The following CLIP1 variants were observed in gnomAD, a reference collection of about 807,000 sequenced individuals.
CLIP1 encodes CAP-Gly domain-containing linker protein 1.
A neutral mutation model predicts 161.6 loss-of-function variants in CLIP1; 66 were observed. That is an observed-to-expected ratio of 0.41 (90% CI 0.33 to 0.50). The LOEUF (loss-of-function observed/expected upper bound fraction) is 0.50. CLIP1 is among the 20% of genes least tolerant of loss of function. The pLI is 0.27. For synonymous variants in CLIP1, 598 were observed against 626.2 expected (o/e 0.96, Z 0.67); for missense variants, 1,376 against 1,702.0 (o/e 0.81, Z 3.37).
chr12:122,404,930 A>C (rs1956276413), intron 1 of CLIP1, among the ~76,000 whole-genome samples: 1 of 151,670 alleles, frequency 6.6e-6, no homozygotes, highest in African/African-American at 2.4e-5. Context: ...AAAAAAACCA[A>C]CATGGTGCCA....
intron 10 of CLIP1, among the ~76,000 whole-genome samples, chr12:122,346,768 G>A (rs1010858868): frequency 2.0e-5 from 3 of 152,192 alleles, no homozygotes; most frequent in African/African-American, 7.2e-5. Context: ...CTCCCAAAGT[G>A]CTGGGATAAG....
chr12:122,348,997 A>AT (rs1268806455), intron 9 of CLIP1, among the ~76,000 whole-genome samples: 1 of 152,084 alleles, frequency 6.6e-6, no homozygotes, highest in Non-Finnish European at 1.5e-5. Context: ...GAACAAAAAA[A>AT]TTTTTTTTAA....
At chr12:122,419,613 G>C (rs1956868485) in intron 1 of CLIP1, among the ~76,000 whole-genome samples, 1 of 151,820 alleles carries the variant, frequency 6.6e-6, no homozygotes, top group Non-Finnish European at 1.5e-5. Context: ...CCATCCACTG[G>C]CTTTCGAATC....
At chr12:122,291,198 C>CT (rs914606264) in intron 20 of CLIP1, among the ~76,000 whole-genome samples, 12 of 148,564 alleles carry the variant, frequency 8.1e-5, no homozygotes, top group East Asian at 4.0e-4. Context: ...CGACCCTTTT[C>CT]TTTTTTTTTG....
chr12:122,308,927 T>G (rs1950972474), intron 20 of CLIP1, among the ~76,000 whole-genome samples: 1 of 152,186 alleles, frequency 6.6e-6, no homozygotes, highest in Non-Finnish European at 1.5e-5. Flanking sequence ...AAGTAAGAAT[T>G]AATGTTTGCA....
intron 10 of CLIP1, 125 bp downstream of exon 10, chr12:122,347,250 G>C (rs1382270896): frequency 4.9e-6 from 3 of 615,248 alleles, no homozygotes; most frequent in Non-Finnish European, 8.9e-6. Context: ...ACACCTGAAT[G>C]GTACCAAGAC....
chr12:122,299,251 A>T (rs953285507), intron 20 of CLIP1, among the ~76,000 whole-genome samples: 1 of 152,144 alleles, frequency 6.6e-6, no homozygotes, highest in African/African-American at 2.4e-5. Flanking sequence ...TCCAGGATGG[A>T]TAACTTCTCT....
At chr12:122,285,958 C>T (rs1955835650) in intron 21 of CLIP1, among the ~76,000 whole-genome samples, 2 of 151,570 alleles carry the variant, frequency 1.3e-5, no homozygotes, top group South Asian at 2.1e-4. Context: ...GAGGTTTAGG[C>T]ATGGCAAACT....
At chr12:122,368,534 G>A (rs1426605657) in intron 3 of CLIP1, among the ~76,000 whole-genome samples, 1 of 152,134 alleles carries the variant, frequency 6.6e-6, no homozygotes, top group Non-Finnish European at 1.5e-5. Context: ...AGTGCATAAA[G>A]CTATAAAATG....
intron 1 of CLIP1, among the ~76,000 whole-genome samples, chr12:122,414,988 G>A (rs1206170404): frequency 1.3e-5 from 2 of 151,904 alleles, no homozygotes; most frequent in African/African-American, 4.8e-5. Context: ...AACCCAGGAG[G>A]TGGAGGCTGC....
intron 17 of CLIP1, chr12:122,324,116 T>C (rs1171044172): frequency 3.3e-5 from 5 of 152,704 alleles, no homozygotes; most frequent in Non-Finnish European, 5.9e-5. Flanking sequence ...CTGCTCATAA[T>C]ACTTTTCGGC....
Position 122,272,911 on chromosome 12 carries a change from G to A in CLIP1, c.4281C>T (p.His1427=), listed in dbSNP as rs1339350915. ...PYCEICEMFG[H]WATNCNDDET... ...CGTCGTCATTGCAGTTGGTGGCCCA[G>A]TGTCCAAACATCTCACAGATTTCAC... is the stretch of plus-strand genomic sequence containing the variant. Residue 1427 remains histidine (H), a synonymous_variant, in exon 26 of 26, where the codon CAC becomes CAT. Transcript: ENST00000620786. 2.5e-6 allele frequency: 4 copies of A among 1,614,200 alleles called. No individual in the cohort carries two copies. The highest frequency in any genetic ancestry group is 1.1e-5 in the South Asian group (1 of 91,080).
At chr12:122,288,573 T>C in intron 20 of CLIP1, 32 bp from the exon 21 acceptor site, 3 of 1,588,910 alleles carry the variant, frequency 1.9e-6, no homozygotes, top group Non-Finnish European at 2.6e-6. Context: ...CTTCAGTTCA[T>C]AACCAGGCCA....
rs1230945005 is a variant in CLIP1, at chr12:122,387,129, G to A, written c.-106-6571C>T. ...ATGGTCTTGAACTCCTGGGCCCAAG[G>A]GATCCTCCCGCCTCAGCCTCCCAAA... On this transcript the variant is annotated intron_variant, in intron 1 of 25. Transcript: ENST00000620786. 2.6e-5 allele frequency among the ~76,000 whole-genome samples: 4 copies of A among 151,908 alleles called. No individual in the cohort carries two copies. The East Asian group carries it at 7.7e-4, about 29-fold the overall frequency.
chr12:122,413,375 C>G (rs1440848928), intron 1 of CLIP1, among the ~76,000 whole-genome samples: 1 of 152,082 alleles, frequency 6.6e-6, no homozygotes. Flanking sequence ...ATACATCAAA[C>G]CCAAGTTTTG....
At chr12:122,357,966 T>G (rs1280015910) in intron 5 of CLIP1, among the ~76,000 whole-genome samples, 7 of 152,166 alleles carry the variant, frequency 4.6e-5, no homozygotes, top group Non-Finnish European at 4.4e-5. Context: ...GAACGGGCCA[T>G]GATGACAATG....
chr12:122,335,251 T>G lies in CLIP1; in HGVS notation c.2569-546A>C, dbSNP rs80241102. Among the ~76,000 whole-genome samples, 1,409 of 152,232 alleles carry G rather than the reference T, an allele frequency of 9.3e-3. 16 individuals carry two copies. Among genetic ancestry groups the G allele is most frequent in the African/African-American group, 0.032 (1,338 of 41,536 alleles). Reference sequence around the variant, plus strand: ...AATCACTCTCCTGGTTGTCCTGAGATGAACTTCGAGCTAGCTACATCAAGA... The same window carrying G: ...AATCACTCTCCTGGTTGTCCTGAGAGGAACTTCGAGCTAGCTACATCAAGA... On this transcript the variant is annotated intron_variant, in intron 12 of 25. Coordinates refer to ENST00000620786, the MANE Select transcript of CLIP1 (RefSeq NM_001247997.2).
At chr12:122,421,226 A>T (rs1035049869) in intron 1 of CLIP1, among the ~76,000 whole-genome samples, 1 of 151,784 alleles carries the variant, frequency 6.6e-6, no homozygotes, top group African/African-American at 2.4e-5. Context: ...GAGCCTGGCC[A>T]CAAGATGCCT....
intron 1 of CLIP1, among the ~76,000 whole-genome samples, chr12:122,392,239 C>T (rs2136985054): frequency 2.0e-5 from 3 of 152,294 alleles, no homozygotes; most frequent in Middle Eastern, 3.4e-3. Flanking sequence ...CGACTGCACT[C>T]CAGCCTGGGC....
Sources: allele counts gnomAD v4.1 joint callset (sites outside exome capture counted in the v4.1 genomes callset), GRCh38; gene constraint gnomAD v4.1.1; transcripts MANE v1.5; gene names NCBI Gene and HGNC (gene_info 2026-07-23, HGNC 2026-07-21).